The following PCYT1B variants were observed in gnomAD, a reference collection of about 807,000 sequenced individuals.
PCYT1B encodes the protein phosphate cytidylyltransferase 1B, choline, also known as choline-phosphate cytidylyltransferase B.
Under a neutral mutation model 26.4 loss-of-function variants are expected in PCYT1B, and 10 were observed. The observed-to-expected ratio is 0.38, with a 90% CI of 0.23 to 0.64. The LOEUF (loss-of-function observed/expected upper bound fraction) is 0.64, where lower values mean the gene tolerates loss of function less well. Ranked by LOEUF, PCYT1B falls within the 30% of genes least tolerant of loss-of-function variation. The probability of loss-of-function intolerance (pLI) is 0.56; values close to 1 mark genes in which losing one functional copy is unlikely to be tolerated. For synonymous variants in PCYT1B, 131 were observed against 108.4 expected, an observed-to-expected ratio of 1.21 and a Z score of -1.29; for missense variants, 161 against 292.7, an observed-to-expected ratio of 0.55 and a Z score of 3.28.
At chrX:24,604,211 C>G (rs1315238144) in intron 3 of PCYT1B, among the ~76,000 whole-genome samples, 2 of 109,894 alleles carry the variant, frequency 1.8e-5, no homozygotes, top group Non-Finnish European at 3.8e-5. Context: ...CTCAGCCTCC[C>G]AAGTAGCTGG....
At chrX:24,615,707 G>T (rs911690912) in intron 2 of PCYT1B, among the ~76,000 whole-genome samples, 2 of 111,247 alleles carry the variant, frequency 1.8e-5, no homozygotes, top group Non-Finnish European at 3.8e-5. Flanking sequence ...CAGGTGACCC[G>T]CCTGCCTCCA....
rs144266273 is a variant in PCYT1B, at chrX:24,659,242, C to A, written c.63+13328G>T. Among the ~76,000 whole-genome samples, 828 of 112,274 alleles carry A rather than the reference C, an allele frequency of 7.4e-3. 15 individuals carry two copies. The highest frequency in any genetic ancestry group is 0.054 in the East Asian group (191 of 3,565). The stretch of plus-strand genomic sequence containing the variant: ...TTTGACATTTAATAATACAACCTAG[C>A]TAGATAAAAGCTTTTATTAAGGCCC... On this transcript the variant is annotated intron_variant, in intron 1 of 7. Coordinates refer to the PCYT1B transcript ENST00000379145.
chrX:24,609,584 A>G (rs1040491031), intron 2 of PCYT1B, among the ~76,000 whole-genome samples: 2 of 112,489 alleles, frequency 1.8e-5, no homozygotes, highest in African/African-American at 6.4e-5. Flanking sequence ...CAGAGTTAAG[A>G]GTTAAAAGTT....
intron 1 of PCYT1B, among the ~76,000 whole-genome samples, chrX:24,623,380 T>TATATATATAG (rs1925763685): frequency 4.2e-5 from 1 of 23,773 alleles, no homozygotes; most frequent in South Asian, 2.0e-3. Flanking sequence ...TATATATATA[T>TATATATATAG]ATATATATAT....
At position 24,561,185 on chromosome X, in the gene PCYT1B, T is replaced by C. The variant is rs1923400656; in HGVS notation, c.*1108A>G. ...AGTGCCCAAGTCACAAGAGAACAGA[T>C]GTTTCTTGAGACCAAGGATTTCAGA... On this transcript the variant is annotated 3_prime_UTR_variant, in exon 8 of 8. Coordinates refer to ENST00000379144, the MANE Select transcript of PCYT1B (RefSeq NM_004845.5). 1.8e-5 allele frequency: 2 copies of C among 112,657 alleles called. No homozygotes were observed. The highest frequency in any genetic ancestry group is 5.6e-4 in the East Asian group (2 of 3,589). 9.3% of individuals were successfully genotyped at this position (112,657 alleles called of 1,213,427 possible).
At chrX:24,644,792 G>A (rs1348627591) in intron 1 of PCYT1B, among the ~76,000 whole-genome samples, 2 of 112,077 alleles carry the variant, frequency 1.8e-5, no homozygotes, top group Non-Finnish European at 3.8e-5. Context: ...CAGGTGCAGT[G>A]GGTCACACCT....
intron 7 of PCYT1B, among the ~76,000 whole-genome samples, chrX:24,573,385 CA>C (rs1923917015): frequency 9.0e-6 from 1 of 110,863 alleles, no homozygotes; most frequent in Admixed American, 9.7e-5. Flanking sequence ...AGGCTAGCCT[CA>C]AACTCCTGAC....
chrX:24,569,046 C>T (rs1163169387), intron 7 of PCYT1B, among the ~76,000 whole-genome samples: 1 of 110,883 alleles, frequency 9.0e-6, no homozygotes, highest in Admixed American at 9.6e-5. Flanking sequence ...TTGCAGTGAG[C>T]CGAGATTGCA....
At chrX:24,567,018 A>G (rs1923653195) in intron 7 of PCYT1B, among the ~76,000 whole-genome samples, 1 of 112,376 alleles carries the variant, frequency 8.9e-6, no homozygotes, top group Non-Finnish European at 1.9e-5. Context: ...CAAATGCTAT[A>G]AGGATTTGGT....
At chrX:24,630,957 T>C (rs775816888) in intron 1 of PCYT1B, among the ~76,000 whole-genome samples, 8 of 110,886 alleles carry the variant, frequency 7.2e-5, no homozygotes, top group Admixed American at 2.9e-4. Flanking sequence ...GAGTCTTGCA[T>C]TGTTGCCCAG....
At chrX:24,609,252 C>A (rs1044136164) in intron 2 of PCYT1B, among the ~76,000 whole-genome samples, 5 of 110,586 alleles carry the variant, frequency 4.5e-5, no homozygotes, top group African/African-American at 1.3e-4. Context: ...CTCACTGCAA[C>A]CTCCACCTCC....
At chrX:24,670,025 A>C (rs1268076943) in intron 1 of PCYT1B, among the ~76,000 whole-genome samples, 1 of 102,232 alleles carries the variant, frequency 9.8e-6, no homozygotes, top group African/African-American at 3.6e-5. Flanking sequence ...CCTGGGCAAC[A>C]GAGTAAGACC....
intron 2 of PCYT1B, among the ~76,000 whole-genome samples, chrX:24,609,809 A>T (rs1323640692): frequency 9.0e-6 from 1 of 111,461 alleles, no homozygotes; most frequent in Non-Finnish European, 1.9e-5. Flanking sequence ...TTTTAAAAAT[A>T]GTCGGGCGTG....
At chrX:24,654,850 C>T (rs1188354349) in intron 1 of PCYT1B, among the ~76,000 whole-genome samples, 1 of 108,337 alleles carries the variant, frequency 9.2e-6, no homozygotes, top group African/African-American at 3.3e-5. Flanking sequence ...TTTCAGATTT[C>T]CCAGAAAGCA....
intron 1 of PCYT1B, among the ~76,000 whole-genome samples, chrX:24,672,088 G>C (rs969644529): frequency 4.5e-5 from 5 of 111,849 alleles, no homozygotes; most frequent in Non-Finnish European, 7.5e-5. Flanking sequence ...CTTGAACCCG[G>C]GAGGCAGAGG....
chrX:24,656,796 C>T (rs1051873437), intron 1 of PCYT1B, among the ~76,000 whole-genome samples: 40 of 109,837 alleles, frequency 3.6e-4, no homozygotes, highest in African/African-American at 1.3e-3. Flanking sequence ...CCTCCCAAAA[C>T]GCTGGGATTA....
intron 3 of PCYT1B, among the ~76,000 whole-genome samples, chrX:24,594,618 A>G (rs768311496): frequency 1.8e-5 from 2 of 111,905 alleles, no homozygotes; most frequent in Admixed American, 1.9e-4. Flanking sequence ...ACAGGGTCCT[A>G]TTTTCCTATC....
At position 24,647,332 on chromosome X, in the gene PCYT1B, A is replaced by T; in HGVS notation, c.-227T>A. 5.2e-6 allele frequency: 5 copies of T among 962,231 alleles called. No individual in the cohort carries two copies. Among genetic ancestry groups the T allele is most frequent in the Non-Finnish European group, 6.6e-6 (5 of 760,032 alleles). The allele number at this position is 962,231 out of a possible 1,213,427, so 79.3% of individuals were successfully genotyped here. A position where few individuals can be genotyped will look rare whatever the true frequency, so the allele number is the denominator to read the frequency against. ...GGCAAGGCCTCAGTTTATCACTATAACAACCAGACGACACTGAAGCGGCTG... is the reference window on the plus strand; with the variant it reads ...GGCAAGGCCTCAGTTTATCACTATATCAACCAGACGACACTGAAGCGGCTG... On this transcript the variant is annotated 5_prime_UTR_variant, in exon 1 of 8. Transcript: ENST00000379144.
intron 1 of PCYT1B, among the ~76,000 whole-genome samples, chrX:24,627,645 C>A (rs1428315220): frequency 8.9e-6 from 1 of 112,235 alleles, no homozygotes; most frequent in Non-Finnish European, 1.9e-5. Context: ...TTAGCTTTAA[C>A]AAGACCATCT....
Sources: gnomAD v4.1 joint callset for allele counts (sites outside exome capture counted in the v4.1 genomes callset) on GRCh38, gnomAD v4.1.1 for gene constraint, MANE v1.5 for transcripts, NCBI Gene and HGNC (gene_info 2026-07-23, HGNC 2026-07-21) for gene names.